ERC2: variants seen among roughly 807,000 people sequenced by gnomAD.
ERC2 encodes ERC protein 2.
Under a neutral mutation model 114.8 loss-of-function variants are expected in ERC2, and 42 were observed. The observed-to-expected ratio is 0.37, with a 90% confidence interval of 0.29 to 0.47. ERC2 has a LOEUF of 0.47. Among genes scored for constraint, ERC2 ranks in the 20% least tolerant of loss-of-function variants. The pLI is 0.99. For missense variants in ERC2, 939 were observed against 1,150.7 expected (o/e 0.82, Z 2.66); for synonymous variants, 454 against 425.5 (o/e 1.07, Z -0.82).
intron 17 of ERC2, among the ~76,000 whole-genome samples, chr3:55,577,083 C>A (rs2057023324): frequency 6.6e-6 from 1 of 152,204 alleles, no homozygotes; most frequent in Non-Finnish European, 1.5e-5. Context: ...TGCGATCAGC[C>A]CCTCTCCACC....
chr3:55,619,751 A>G (rs979890958), intron 17 of ERC2, among the ~76,000 whole-genome samples: 17 of 152,176 alleles, frequency 1.1e-4, no homozygotes, highest in Admixed American at 9.8e-4. Context: ...AACAAAGCTA[A>G]AAGTGTTCCT....
intron 5 of ERC2, among the ~76,000 whole-genome samples, chr3:56,146,140 A>T (rs1222067274): frequency 1.3e-5 from 2 of 151,958 alleles, no homozygotes. Flanking sequence ...AATACAAAAA[A>T]TAGCTGGCAT....
intron 13 of ERC2, among the ~76,000 whole-genome samples, chr3:55,892,048 C>G (rs936632702): frequency 1.3e-5 from 2 of 152,166 alleles, no homozygotes; most frequent in East Asian, 1.9e-4. Flanking sequence ...CTTCATCTTT[C>G]TCAGCTTCCA....
chr3:55,816,832 T>C (rs1487087104), intron 14 of ERC2, among the ~76,000 whole-genome samples: 1 of 151,668 alleles, frequency 6.6e-6, no homozygotes, highest in Non-Finnish European at 1.5e-5. Context: ...CTCCTGTAGG[T>C]TGCTATGGAC....
At chr3:55,981,301 T>TCA (rs907784244) in intron 12 of ERC2, among the ~76,000 whole-genome samples, 3 of 152,256 alleles carry the variant, frequency 2.0e-5, no homozygotes, top group Non-Finnish European at 4.4e-5. Context: ...ACCAGAAATG[T>TCA]CAGCATTAGA....
At chr3:55,751,576 G>T (rs1047774766) in intron 14 of ERC2, among the ~76,000 whole-genome samples, 8 of 152,160 alleles carry the variant, frequency 5.3e-5, no homozygotes, top group Non-Finnish European at 1.0e-4. Flanking sequence ...TGGGAACATG[G>T]TAGTTATCCC....
intron 7 of ERC2, among the ~76,000 whole-genome samples, chr3:56,024,600 C>CTT (rs2073931624): frequency 6.6e-6 from 1 of 152,176 alleles, no homozygotes; most frequent in Admixed American, 6.5e-5. Context: ...GGCATACAGC[C>CTT]CAACTGCAAG....
At chr3:56,201,159 A>G (rs2048381349) in intron 3 of ERC2, among the ~76,000 whole-genome samples, 2 of 151,884 alleles carry the variant, frequency 1.3e-5, no homozygotes, top group Admixed American at 1.3e-4. Context: ...CTTCACTACC[A>G]TCTCCCTAAC....
chr3:55,629,884 C>T (rs189029178), intron 17 of ERC2, among the ~76,000 whole-genome samples: 9 of 152,210 alleles, frequency 5.9e-5, no homozygotes, highest in Non-Finnish European at 1.3e-4. Flanking sequence ...AAGGAGCCAG[C>T]CTTCTAACCA....
chr3:56,451,883 G>T (rs2062841842), intron 1 of ERC2, among the ~76,000 whole-genome samples: 1 of 152,184 alleles, frequency 6.6e-6, no homozygotes, highest in Non-Finnish European at 1.5e-5. Flanking sequence ...GTGCAAGGCT[G>T]CCAGTTGCTG....
intron 2 of ERC2, among the ~76,000 whole-genome samples, chr3:56,378,034 G>A (rs577539502): frequency 6.6e-6 from 1 of 152,184 alleles, no homozygotes; most frequent in South Asian, 2.1e-4. Context: ...TTCTTGAAGG[G>A]AGCAGATCGC....
At chr3:56,148,755 C>G (rs2081272691) in intron 5 of ERC2, among the ~76,000 whole-genome samples, 1 of 152,250 alleles carries the variant, frequency 6.6e-6, no homozygotes, top group Middle Eastern at 3.4e-3. Context: ...CTAATTAAAG[C>G]CTGAACCTCT....
In ERC2 at chr3:55,534,360, C is replaced by T. The variant is rs74973885; in HGVS notation, c.*40-23084G>A. 1.5e-3 allele frequency among the ~76,000 whole-genome samples: 225 copies of T among 146,216 alleles called. 3 individuals are homozygous for T. In the East Asian group the frequency reaches 0.038, roughly 25 times the overall value. ...GGGAGGACTGCTGCAATCATACCAA[C>T]GTACTCCAACCTGGATGACAGAGTG... is the stretch of plus-strand genomic sequence containing the variant. On this transcript the variant is annotated intron_variant, in intron 17 of 17. Transcript: ENST00000288221.
chr3:56,186,219 C>T (rs919613897), intron 3 of ERC2, among the ~76,000 whole-genome samples: 2 of 150,050 alleles, frequency 1.3e-5, no homozygotes, highest in African/African-American at 4.9e-5. Flanking sequence ...TTGTGCTATA[C>T]CAGGATACTT....
chr3:56,384,539 A>G (rs568843246), intron 2 of ERC2, among the ~76,000 whole-genome samples: 1 of 152,022 alleles, frequency 6.6e-6, no homozygotes, highest in East Asian at 1.9e-4. Flanking sequence ...CCATTTTTCC[A>G]TCAGGTTGTT....
intron 4 of ERC2, among the ~76,000 whole-genome samples, chr3:56,160,249 T>C (rs1207357707): frequency 2.0e-5 from 3 of 152,242 alleles, no homozygotes; most frequent in Non-Finnish European, 4.4e-5. Flanking sequence ...CTGATGATTA[T>C]GTTTGTTGGA....
chr3:56,099,004 G>A (rs958203553), intron 6 of ERC2, among the ~76,000 whole-genome samples: 3 of 152,198 alleles, frequency 2.0e-5, no homozygotes, highest in Non-Finnish European at 4.4e-5. Flanking sequence ...TTTGGATAAA[G>A]TGTCTTTCAA....
chr3:55,950,349 C>T (rs1458336394), intron 13 of ERC2, 76 bp downstream of exon 13: 155 of 1,548,572 alleles, frequency 1.0e-4, no homozygotes, highest in Non-Finnish European at 1.3e-4. Context: ...TGCATATTTT[C>T]TGGCACCAAT....
chr3:55,789,091 G>A (rs904564181), intron 14 of ERC2, among the ~76,000 whole-genome samples: 1 of 152,094 alleles, frequency 6.6e-6, no homozygotes, highest in Non-Finnish European at 1.5e-5. Context: ...CTTTGTCGTC[G>A]TGTTACAATA....
Sources: allele counts gnomAD v4.1 joint callset (sites outside exome capture counted in the v4.1 genomes callset), GRCh38; gene constraint gnomAD v4.1.1; transcripts MANE v1.5; gene names NCBI Gene and HGNC (gene_info 2026-07-23, HGNC 2026-07-21).